Variants in SOS2 observed in about 807,000 individuals in gnomAD.
SOS2 encodes son of sevenless homolog 2.
Under a neutral mutation model 148.2 loss-of-function variants are expected in SOS2, and 65 were observed. The observed-to-expected ratio is 0.44, with a 90% confidence interval of 0.36 to 0.54. The LOEUF is 0.54. Ranked by LOEUF, SOS2 falls within the 20% of genes least tolerant of loss-of-function variation. SOS2 has a pLI of 0.00. For synonymous variants in SOS2, 539 were observed against 537.1 expected (o/e 1.00, Z -0.05); for missense variants, 1,341 against 1,590.2 (o/e 0.84, Z 2.67).
At chr14:50,213,719 T>A (rs1566483112) in intron 1 of SOS2, among the ~76,000 whole-genome samples, 1 of 149,776 alleles carries the variant, frequency 6.7e-6, no homozygotes. Flanking sequence ...GTCATAATAA[T>A]GTAAACTTTG....
chr14:50,138,695 T>G lies in SOS2; in HGVS notation c.2875A>C (p.Arg959=). ...KGKDLINFSK[R]RKVAEITGEI... is the part of the protein sequence containing the mutation. ...CCAGTAATTTCAGCTACTTTCCTCCTCTTACTGAAATTGATTAAATCTTTC... is the reference window on the plus strand; with the variant it reads ...CCAGTAATTTCAGCTACTTTCCTCCGCTTACTGAAATTGATTAAATCTTTC... The change falls in exon 18 of 23, where the codon AGG becomes CGG. Residue 959 remains arginine (R), a synonymous_variant. Transcript: ENST00000216373. 2 of 1,515,010 alleles carry G rather than the reference T, an allele frequency of 1.3e-6. No individual in the cohort carries two copies. The highest frequency in any genetic ancestry group is 1.2e-5 in the South Asian group (1 of 85,258). 93.8% of individuals were successfully genotyped at this position (1,515,010 alleles called of 1,614,324 possible).
At chr14:50,226,900 G>A (rs962038065) in intron 1 of SOS2, among the ~76,000 whole-genome samples, 8 of 152,118 alleles carry the variant, frequency 5.3e-5, no homozygotes, top group African/African-American at 4.8e-5. Flanking sequence ...GGATTTCAAC[G>A]ACACAGGTAA....
intron 1 of SOS2, among the ~76,000 whole-genome samples, chr14:50,212,952 G>C (rs775417761): frequency 6.6e-6 from 1 of 152,186 alleles, no homozygotes; most frequent in Non-Finnish European, 1.5e-5. Context: ...CCATGCTAAC[G>C]TGACATTCTT....
chr14:50,139,842 T>C, intron 17 of SOS2, 100 bp downstream of exon 17: 1 of 569,728 alleles, frequency 1.8e-6, no homozygotes, highest in Non-Finnish European at 3.2e-6. Flanking sequence ...TAAAAGTAGA[T>C]GAGCTCAGAT....
intron 4 of SOS2, among the ~76,000 whole-genome samples, chr14:50,196,160 G>A (rs1490832670): frequency 6.6e-6 from 1 of 152,210 alleles, no homozygotes; most frequent in Admixed American, 6.5e-5. Context: ...AGGGAAGGGG[G>A]ACAAAACCTC....
At chr14:50,166,937 C>G (rs918889898) in intron 8 of SOS2, among the ~76,000 whole-genome samples, 1 of 151,996 alleles carries the variant, frequency 6.6e-6, no homozygotes, top group Non-Finnish European at 1.5e-5. Flanking sequence ...GCTGGGCACA[C>G]GGGCTCATGC....
rs61541892 is a variant in SOS2, at chr14:50,221,504, T to C, written c.87+9693A>G. On this transcript the variant is annotated intron_variant, in intron 1 of 22. Transcript: ENST00000216373. ...ATCTCTCACTTATCTTGAAATTCTCTATAGGATACATGTTGCTCTGAAGTG... is the reference window on the plus strand; with the variant it reads ...ATCTCTCACTTATCTTGAAATTCTCCATAGGATACATGTTGCTCTGAAGTG... Among the ~76,000 whole-genome samples, 1,230 of 152,328 alleles carry C rather than the reference T, an allele frequency of 8.1e-3. 14 individuals carry two copies. Among genetic ancestry groups the C allele is most frequent in the African/African-American group, 0.027 (1,111 of 41,566 alleles).
In SOS2 at chr14:50,199,819, G is replaced by C. The variant is rs775777617; in HGVS notation, c.382C>G (p.Leu128Val). Reference sequence around the variant, plus strand: ...TACTCTAGTACAGCCACAATATATAGGGATACATGGTAGTCCACTTTGTAC... The same window carrying C: ...TACTCTAGTACAGCCACAATATATACGGATACATGGTAGTCCACTTTGTAC... ...LGYKVDYHVS[L>V]YIVAVLEYIS... The change falls in exon 4 of 23, where the codon CTA (leucine) becomes GTA (valine). Residue 128 changes from leucine to valine, a missense_variant. Physicochemically the swap from Leu to Val is conservative, Grantham distance 32. Transcript: ENST00000216373. 1.9e-6 allele frequency: 3 copies of C among 1,592,866 alleles called. No homozygotes were observed. The South Asian group carries it at 3.4e-5, about 18-fold the overall frequency.
At chr14:50,122,701 A>AGGGT (rs1883556531) in intron 21 of SOS2, among the ~76,000 whole-genome samples, 4 of 151,918 alleles carry the variant, frequency 2.6e-5, no homozygotes, top group Non-Finnish European at 5.9e-5. Context: ...GCAATCAATA[A>AGGGT]CCCTTGCTGA....
At chr14:50,212,495 G>C (rs1174799330) in intron 1 of SOS2, among the ~76,000 whole-genome samples, 1 of 152,190 alleles carries the variant, frequency 6.6e-6, no homozygotes, top group Non-Finnish European at 1.5e-5. Flanking sequence ...AATCAAAACA[G>C]TGAATACCAC....
Position 50,178,670 on chromosome 14 carries a change from GCATATATATATATATATATATA to G in SOS2, c.969+1880_969+1901del, listed in dbSNP as rs1214548186. On this transcript the variant is annotated intron_variant, in intron 7 of 22. Coordinates refer to ENST00000216373, the MANE Select transcript of SOS2 (RefSeq NM_006939.4). ...CTAGTGTGTGTGTGTGTGTGTGTGT[GCATATATATATATATATATATA>G]TATATATATATATATATATACACAC... Among the ~76,000 whole-genome samples the G allele has an allele frequency of 5.3e-4, 36 of 68,016 alleles. 2 individuals are homozygous for G. In the East Asian group the frequency reaches 6.7e-3, roughly 13 times the overall value. The allele number at this position is 68,016 out of a possible 152,430, so 44.6% of individuals were successfully genotyped here.
At chr14:50,187,502 T>C (rs1885955664) in intron 5 of SOS2, among the ~76,000 whole-genome samples, 1 of 151,838 alleles carries the variant, frequency 6.6e-6, no homozygotes, top group Non-Finnish European at 1.5e-5. Context: ...CGCCCACCAC[T>C]ACGCCCGGCT....
At chr14:50,147,319 G>A (rs1884518479) in intron 14 of SOS2, among the ~76,000 whole-genome samples, 1 of 151,862 alleles carries the variant, frequency 6.6e-6, no homozygotes, top group South Asian at 2.1e-4. Flanking sequence ...ACCATCCTGG[G>A]CAACATAGCA....
chr14:50,203,127 AAAAG>A (rs767506600), intron 2 of SOS2, among the ~76,000 whole-genome samples: 4 of 152,106 alleles, frequency 2.6e-5, no homozygotes, highest in Non-Finnish European at 4.4e-5. Context: ...CCACTTCACA[AAAAG>A]AAAGAAAGAA....
At position 50,224,335 on chromosome 14, in the gene SOS2, A is replaced by G. The variant is rs987701037; in HGVS notation, c.87+6862T>C. ...TATATACACACACACACACACACAC[A>G]CACACACACACACACACACACACAC... On this transcript the variant is annotated intron_variant, in intron 1 of 22. Coordinates refer to ENST00000216373, the MANE Select transcript of SOS2 (RefSeq NM_006939.4). 9.8e-4 allele frequency among the ~76,000 whole-genome samples: 144 copies of G among 146,312 alleles called. 2 individuals carry two copies. The highest frequency in any genetic ancestry group is 3.1e-3 in the Admixed American group (45 of 14,556).
intron 1 of SOS2, among the ~76,000 whole-genome samples, chr14:50,205,422 A>G (rs1408895915): frequency 1.3e-5 from 2 of 152,172 alleles, no homozygotes; most frequent in African/African-American, 4.8e-5. Flanking sequence ...TAACTTGAAT[A>G]GCCTCATAGT....
chr14:50,133,572 TC>T (rs1566820529), intron 19 of SOS2, among the ~76,000 whole-genome samples: 1 of 152,216 alleles, frequency 6.6e-6, no homozygotes, highest in Non-Finnish European at 1.5e-5. Context: ...CTACCTGACT[TC>T]CTGCTTCACC....
Position 50,118,292 on chromosome 14 carries a change from A to AC in SOS2, c.*51_*52insG, listed in dbSNP as rs1883362463. On this transcript the variant is annotated 3_prime_UTR_variant, in exon 23 of 23. Coordinates refer to ENST00000216373, the MANE Select transcript of SOS2 (RefSeq NM_006939.4). ...TATGTCTTTTTTTGAATAAATTAAA[A>AC]AAAAAACTTTACAAATACCATTCCA... 6.8e-7 allele frequency: 1 copy of AC among 1,464,032 alleles called. No homozygotes were observed. The highest frequency in any genetic ancestry group is 1.4e-5 in the African/African-American group (1 of 70,386). The allele number at this position is 1,464,032 out of a possible 1,614,324, so 90.7% of individuals were successfully genotyped here. A position where few individuals can be genotyped will look rare whatever the true frequency, so the allele number is the denominator to read the frequency against.
Position 50,223,738 on chromosome 14 carries a change from G to A in SOS2, c.87+7459C>T, listed in dbSNP as rs188113304. 3.9e-5 allele frequency among the ~76,000 whole-genome samples: 6 copies of A among 152,140 alleles called. No individual in the cohort carries two copies. In the East Asian group the frequency reaches 7.8e-4, roughly 20 times the overall value. ...CACACACCTGTAGTCCCAGCTATAT[G>A]GGGGCGGCAGGGGGGTGAGGTGGGA... On this transcript the variant is annotated intron_variant, in intron 1 of 22. Coordinates refer to ENST00000216373, the MANE Select transcript of SOS2 (RefSeq NM_006939.4).
Sources: allele counts gnomAD v4.1 joint callset (sites outside exome capture counted in the v4.1 genomes callset), GRCh38; gene constraint gnomAD v4.1.1; transcripts MANE v1.5; gene names NCBI Gene and HGNC (gene_info 2026-07-23, HGNC 2026-07-21).